Variants in SLC6A17 observed in about 807,000 individuals in gnomAD.
The protein encoded by SLC6A17 is solute carrier family 6 member 17.
SLC6A17 carries 21 observed loss-of-function variants against 64.5 expected under a neutral mutation model. That is an observed-to-expected ratio of 0.33 (90% CI 0.23 to 0.47). SLC6A17 has a LOEUF of 0.47. Ranked by LOEUF, SLC6A17 falls within the 20% of genes least tolerant of loss-of-function variation. SLC6A17 has a pLI of 1.00. For missense variants in SLC6A17, 682 were observed against 963.2 expected (o/e 0.71, Z 3.86); for synonymous variants, 372 against 399.5 (o/e 0.93, Z 0.82).
chr1:110,163,230 T>C (rs1057049107), intron 1 of SLC6A17, among the ~76,000 whole-genome samples: 2 of 151,934 alleles, frequency 1.3e-5, no homozygotes, highest in Non-Finnish European at 1.5e-5. Context: ...TAGGACTTTC[T>C]AGGGGGTGCC....
rs1657070561 is a variant in SLC6A17, at chr1:110,199,770, T to C, written c.*1326T>C. On this transcript the variant is annotated 3_prime_UTR_variant, in exon 12 of 12. Transcript: ENST00000331565. ...ACCTGCCATTACCTTCAGGGCCTCCTCTGGAAGAGAACCCATTCTCAGAGT... is the reference window on the plus strand; with the variant it reads ...ACCTGCCATTACCTTCAGGGCCTCCCCTGGAAGAGAACCCATTCTCAGAGT... 2.5e-6 allele frequency: 1 copy of C among 393,448 alleles called. No homozygotes were observed. The highest frequency in any genetic ancestry group is 1.4e-4 in the South Asian group (1 of 6,974). The allele number at this position is 393,448 out of a possible 1,614,324, so 24.4% of individuals were successfully genotyped here.
intron 9 of SLC6A17, among the ~76,000 whole-genome samples, 164 bp from the exon 10 acceptor site, chr1:110,195,422 C>T (rs1237807126): frequency 2.0e-5 from 3 of 152,228 alleles, no homozygotes; most frequent in Non-Finnish European, 4.4e-5. Flanking sequence ...GGCTCAGAAC[C>T]TGAGCATCTG....
At chr1:110,186,365 A>G (rs1430561427) in intron 6 of SLC6A17, among the ~76,000 whole-genome samples, 1 of 151,114 alleles carries the variant, frequency 6.6e-6, no homozygotes, top group Non-Finnish European at 1.5e-5. Flanking sequence ...AATCTTAATG[A>G]TGGTATGAAT....
At position 110,167,276 on chromosome 1, in the gene SLC6A17, A is replaced by T. The variant is rs529063902; in HGVS notation, c.286+61A>T. 341 of 1,550,012 alleles carry T rather than the reference A, an allele frequency of 2.2e-4. No homozygotes were observed. The African/African-American group carries it at 4.3e-3, about 19-fold the overall frequency. On this transcript the variant is annotated intron_variant, in intron 2 of 11. Coordinates refer to ENST00000331565, the MANE Select transcript of SLC6A17 (RefSeq NM_001010898.4). ...GCAAATAGGCCGGGGATGAGGGGTAAAAAAGAACACCCCTTTGCTGAGGCA... is the reference window on the plus strand; with the variant it reads ...GCAAATAGGCCGGGGATGAGGGGTATAAAAGAACACCCCTTTGCTGAGGCA...
At chr1:110,196,276 C>T (rs1656965771) in intron 10 of SLC6A17, among the ~76,000 whole-genome samples, 1 of 152,172 alleles carries the variant, frequency 6.6e-6, no homozygotes, top group African/African-American at 2.4e-5. Context: ...CATGTTAGGG[C>T]AAATACGTGT....
intron 6 of SLC6A17, among the ~76,000 whole-genome samples, chr1:110,186,697 C>T (rs1392497719): frequency 6.6e-6 from 1 of 152,018 alleles, no homozygotes; most frequent in African/African-American, 2.4e-5. Flanking sequence ...CCGACTCTTT[C>T]CTTCTCTCAC....
rs1054455960 is a variant in SLC6A17 at position 110,201,205 on chromosome 1, CTGACAG to C, written c.*2764_*2769del. 4 of 152,232 alleles carry C rather than the reference CTGACAG, an allele frequency of 2.6e-5. No individual in the cohort carries two copies. The highest frequency in any genetic ancestry group is 9.7e-5 in the African/African-American group (4 of 41,446). 9.4% of individuals were successfully genotyped at this position (152,232 alleles called of 1,614,324 possible). ...TGCTGCATTTGCCGTTGACGCAGTC[CTGACAG>C]TGTTTGAAAAGGGCCGCCTGCCCCC... On this transcript the variant is annotated 3_prime_UTR_variant, in exon 12 of 12. Coordinates refer to ENST00000331565, the MANE Select transcript of SLC6A17 (RefSeq NM_001010898.4).
At chr1:110,181,057 C>T (rs1209407270) in intron 6 of SLC6A17, among the ~76,000 whole-genome samples, 3 of 152,144 alleles carry the variant, frequency 2.0e-5, no homozygotes, top group African/African-American at 4.8e-5. Flanking sequence ...CCATTAGCAT[C>T]GTTGGTAGGA....
At chr1:110,152,986 G>A (rs180810094) in intron 1 of SLC6A17, among the ~76,000 whole-genome samples, 239 of 152,290 alleles carry the variant, frequency 1.6e-3, no homozygotes, top group African/African-American at 5.4e-3. Context: ...ACATAGACCT[G>A]TTTCCAACCC....
Position 110,194,599 on chromosome 1 carries a change from G to C in SLC6A17, c.1320G>C (p.Leu440=), listed in dbSNP as rs1392356864. 2.5e-6 allele frequency: 4 copies of C among 1,614,148 alleles called. No homozygotes were observed. The South Asian group carries it at 4.4e-5, about 18-fold the overall frequency. Residue 440 remains leucine (L), a synonymous_variant, in exon 9 of 12, where the codon CTG becomes CTC. Transcript: ENST00000331565. ...ELDKSVQGTG[L]AFIAFTEAMT... ...TTCAGTCCGTGCAGGGCACAGGCCT[G>C]GCCTTCATCGCCTTCACTGAGGCCA...
At position 110,195,701 on chromosome 1, in the gene SLC6A17, C is replaced by T; in HGVS notation, c.1608C>T (p.Val536=). ...CCACCCTGCCACTCACTCTCATCGT[C>T]ATCCTTGAGAACATCGCTGTGGCCT... ...YSATLPLTLI[V]ILENIAVAWI... is the part of the protein sequence containing the mutation. Residue 536 remains valine (V), a synonymous_variant, in exon 10 of 12, where the codon GTC becomes GTT. Transcript: ENST00000331565. 6.2e-7 allele frequency: 1 copy of T among 1,614,242 alleles called. No individual in the cohort carries two copies. Among genetic ancestry groups the T allele is most frequent in the Non-Finnish European group, 8.5e-7 (1 of 1,180,042 alleles).
chr1:110,151,892 G>C (rs557867899), intron 1 of SLC6A17, among the ~76,000 whole-genome samples: 2 of 152,214 alleles, frequency 1.3e-5, no homozygotes, highest in South Asian at 4.2e-4. Context: ...TGAGGCAGAT[G>C]GGGGTGGGTT....
Position 110,174,977 on chromosome 1 carries a change from G to C in SLC6A17, c.753+17G>C. ...TCGGGGAAGGTGAGTGCTGAGGGGG[G>C]CACCCAGGACCCAAATGGGGAACAG... On this transcript the variant is annotated intron_variant, in intron 5 of 11. Transcript: ENST00000331565. The C allele has an allele frequency of 1.9e-6, 3 of 1,607,900 alleles. No homozygotes were observed. The highest frequency in any genetic ancestry group is 2.6e-6 in the Non-Finnish European group (3 of 1,176,048).
chr1:110,193,012 A>G (rs949280752), intron 8 of SLC6A17, among the ~76,000 whole-genome samples: 18 of 152,180 alleles, frequency 1.2e-4, no homozygotes, highest in African/African-American at 4.3e-4. Context: ...CACAGGTAAT[A>G]TACTCAGAAC....
intron 1 of SLC6A17, among the ~76,000 whole-genome samples, chr1:110,160,440 G>T (rs762824853): frequency 2.0e-5 from 3 of 152,208 alleles, no homozygotes; most frequent in Admixed American, 6.5e-5. Flanking sequence ...AAATGTGTAG[G>T]ATAATCTGTG....
rs1656848505 is a variant in SLC6A17, at chr1:110,192,318, C to G, written c.1106+105C>G. 1.8e-5 allele frequency: 27 copies of G among 1,513,254 alleles called. No individual in the cohort carries two copies. The highest frequency in any genetic ancestry group is 4.1e-5 in the African/African-American group (3 of 72,436). 93.7% of individuals were successfully genotyped at this position (1,513,254 alleles called of 1,614,324 possible). On this transcript the variant is annotated intron_variant, in intron 7 of 11. Coordinates refer to ENST00000331565, the MANE Select transcript of SLC6A17 (RefSeq NM_001010898.4). This position sits in a 1 kb window ranked among gnomAD's most constrained non-coding sequence, Gnocchi z 4.3. ...TGCATGGGGAGAGAGGTCCCCTCCA[C>G]TCAGACTGAGGAATGGAGATCAGAG...
At chr1:110,159,183 A>G (rs955217997) in intron 1 of SLC6A17, among the ~76,000 whole-genome samples, 1 of 152,102 alleles carries the variant, frequency 6.6e-6, no homozygotes, top group Non-Finnish European at 1.5e-5. Flanking sequence ...TGTCATTGTT[A>G]TTATTACTAC....
rs1656756743 is a variant in SLC6A17, at chr1:110,188,974, C to T, written c.865-2998C>T. ...TTCACTGGCAGCACTGACCCTTCCT[C>T]CTCCAGGCTCTGGGTTTTCCTCTTG... On this transcript the variant is annotated intron_variant, in intron 6 of 11. Coordinates refer to ENST00000331565, the MANE Select transcript of SLC6A17 (RefSeq NM_001010898.4). 2.6e-5 allele frequency among the ~76,000 whole-genome samples: 4 copies of T among 152,352 alleles called. No individual in the cohort carries two copies. In the South Asian group the frequency reaches 8.3e-4, roughly 32 times the overall value.
intron 1 of SLC6A17, among the ~76,000 whole-genome samples, chr1:110,155,236 G>C (rs780147606): frequency 6.6e-5 from 10 of 152,198 alleles, no homozygotes; most frequent in Non-Finnish European, 7.3e-5. Context: ...ATTTTGTGGA[G>C]ATAAGTCCTT....
Sources: gnomAD v4.1 joint callset for allele counts (sites outside exome capture counted in the v4.1 genomes callset) on GRCh38, gnomAD v4.1.1 for gene constraint, Gnocchi (gnomAD v3.1) non-coding constraint, MANE v1.5 for transcripts, NCBI Gene and HGNC (gene_info 2026-07-23, HGNC 2026-07-21) for gene names.